Variants in DOCK1 observed in about 807,000 individuals in gnomAD.
DOCK1 encodes dedicator of cytokinesis protein 1.
DOCK1 carries 138 observed loss-of-function variants against 262.7 expected under a neutral mutation model. The observed-to-expected ratio is 0.53, with a 90% CI of 0.46 to 0.61. The LOEUF (loss-of-function observed/expected upper bound fraction) is 0.61. Among genes scored for constraint, DOCK1 ranks in the 20% least tolerant of loss-of-function variants. The pLI, the probability that DOCK1 is intolerant of heterozygous loss-of-function variation, is 0.00. For missense variants in DOCK1, 1,908 were observed against 2,370.7 expected, an observed-to-expected ratio of 0.80 and a Z score of 4.05; for synonymous variants, 866 against 867.4, an observed-to-expected ratio of 1.00 and a Z score of 0.03.
intron 5 of DOCK1, chr10:126,988,558 T>C (rs1035738295): frequency 2.0e-5 from 3 of 152,206 alleles, no homozygotes; most frequent in Non-Finnish European, 4.4e-5. Flanking sequence ...AATTCTGTAG[T>C]CAGGGTTTCA....
intron 33 of DOCK1, among the ~76,000 whole-genome samples, chr10:127,363,097 A>ACATG (rs60896897): frequency 7.0e-6 from 1 of 142,524 alleles, no homozygotes; most frequent in African/African-American, 3.0e-5. Context: ...ATACACACAC[A>ACATG]TGCACATGCT....
chr10:127,209,419 G>A (rs558050973), intron 27 of DOCK1, among the ~76,000 whole-genome samples: 15 of 152,256 alleles, frequency 9.9e-5, no homozygotes, highest in South Asian at 4.1e-4. Context: ...AGAAGTAGCC[G>A]CCTGGAGAGC....
Position 127,052,834 on chromosome 10 carries a change from C to A in DOCK1, c.2336+19C>A. 1.3e-6 allele frequency: 2 copies of A among 1,598,692 alleles called. No homozygotes were observed. The highest frequency in any genetic ancestry group is 1.7e-6 in the Non-Finnish European group (2 of 1,171,942). On this transcript the variant is annotated intron_variant, in intron 22 of 51. Transcript: ENST00000623213. Reference sequence around the variant, plus strand: ...TCAATCAGTGCGTACCTATCCCCTCCATGCCCGGGCTCTCAGAGGACTGGC... The same window carrying A: ...TCAATCAGTGCGTACCTATCCCCTCAATGCCCGGGCTCTCAGAGGACTGGC...
At chr10:127,099,791 AC>A (rs1464236512) in intron 23 of DOCK1, among the ~76,000 whole-genome samples, 2 of 152,190 alleles carry the variant, frequency 1.3e-5, no homozygotes, top group African/African-American at 4.8e-5. Context: ...GAGAGGACAC[AC>A]ATCCAAACCA....
At chr10:127,308,638 A>G (rs144528728) in intron 29 of DOCK1, among the ~76,000 whole-genome samples, 35 of 152,104 alleles carry the variant, frequency 2.3e-4, no homozygotes, top group African/African-American at 7.2e-4. Context: ...CCCTGTGCCC[A>G]TGTGTTCTCA....
At chr10:127,149,659 C>A (rs2052290990) in intron 27 of DOCK1, among the ~76,000 whole-genome samples, 1 of 151,984 alleles carries the variant, frequency 6.6e-6, no homozygotes, top group East Asian at 1.9e-4. Context: ...CAGGCAGGGT[C>A]AAATTCATTT....
intron 2 of DOCK1, among the ~76,000 whole-genome samples, 154 bp downstream of exon 2, chr10:126,970,939 A>G (rs751143642): frequency 3.9e-5 from 6 of 152,102 alleles, no homozygotes; most frequent in Non-Finnish European, 8.8e-5. Flanking sequence ...ATACTGTTTC[A>G]GGTAAGGGTA....
chr10:126,990,527 C>T lies in DOCK1; in HGVS notation c.397C>T (p.Leu133Phe). Residue 133 changes from leucine to phenylalanine, a missense_variant, in exon 6 of 52, where the codon CTT becomes TTT. Leu to Phe is a conservative substitution (Grantham distance 22). This residue lies in a region of DOCK1 where 227 missense variants were observed against 254.1 expected (regional missense o/e 0.89). Transcript: ENST00000623213. ...YDLIEWRSQILSGTLPQDELK... is the reference protein window; with the variant it reads ...YDLIEWRSQIFSGTLPQDELK... ...CCTTATTGAATGGCGATCACAAATT[C>T]TTTCTGGAACTCTGCCTCAGGATGA... 6.2e-7 allele frequency: 1 copy of T among 1,613,688 alleles called. No individual in the cohort carries two copies. The highest frequency in any genetic ancestry group is 8.5e-7 in the Non-Finnish European group (1 of 1,179,828).
chr10:127,447,283 G>T, intron 50 of DOCK1, 111 bp from the exon 51 acceptor site: 2 of 1,464,850 alleles, frequency 1.4e-6, no homozygotes, highest in Non-Finnish European at 9.2e-7. Context: ...TCTGCCAGAT[G>T]AAGTGTTTCT....
chr10:127,288,027 A>G (rs1159651824), intron 29 of DOCK1, among the ~76,000 whole-genome samples: 2 of 152,256 alleles, frequency 1.3e-5, no homozygotes, highest in Non-Finnish European at 2.9e-5. Context: ...AAGGAAAGGA[A>G]GGATAAATGC....
intron 27 of DOCK1, among the ~76,000 whole-genome samples, chr10:127,206,936 A>C (rs2134287980): frequency 6.6e-6 from 1 of 152,234 alleles, no homozygotes; most frequent in Admixed American, 6.5e-5. Context: ...TTTTTACCAT[A>C]TCCAGCTCCC....
At chr10:127,397,221 C>T (rs1486277689) in intron 38 of DOCK1, among the ~76,000 whole-genome samples, 3 of 134,514 alleles carry the variant, frequency 2.2e-5, no homozygotes, top group South Asian at 2.7e-4. Flanking sequence ...ATCAGTTACA[C>T]GGGCAGCGAC....
chr10:127,125,427 C>A (rs374524102), intron 25 of DOCK1, 47 bp from the exon 26 acceptor site: 1 of 1,605,266 alleles, frequency 6.2e-7, no homozygotes, highest in Non-Finnish European at 8.5e-7. Flanking sequence ...ACACGAGTTG[C>A]GTCTTGGTGG....
intron 27 of DOCK1, among the ~76,000 whole-genome samples, chr10:127,227,122 G>A (rs1373130314): frequency 6.6e-6 from 1 of 152,178 alleles, no homozygotes; most frequent in East Asian, 1.9e-4. Context: ...TCTCCACGTG[G>A]CCACCCTTGA....
chr10:126,993,581 CCTT>C (rs1209554307), intron 6 of DOCK1, among the ~76,000 whole-genome samples: 1 of 152,202 alleles, frequency 6.6e-6, no homozygotes, highest in Admixed American at 6.5e-5. Flanking sequence ...ACTAATGAGA[CCTT>C]AAAATGCTTT....
At chr10:127,221,786 T>G (rs1564913937) in intron 27 of DOCK1, among the ~76,000 whole-genome samples, 1 of 152,218 alleles carries the variant, frequency 6.6e-6, no homozygotes, top group South Asian at 2.1e-4. Flanking sequence ...AGCTCTTGTA[T>G]GAAGCTGGCA....
intron 1 of DOCK1, among the ~76,000 whole-genome samples, chr10:126,952,490 A>T (rs945202728): frequency 7.4e-6 from 1 of 135,266 alleles, no homozygotes; most frequent in African/African-American, 2.9e-5. Context: ...ATTGTTGGTG[A>T]TGTATTATTG....
intron 27 of DOCK1, among the ~76,000 whole-genome samples, chr10:127,160,679 G>T (rs1281303355): frequency 2.0e-5 from 3 of 152,216 alleles, no homozygotes; most frequent in African/African-American, 4.8e-5. Context: ...CAATTCAGAG[G>T]CTGTATCCTA....
chr10:126,973,557 G>T (rs1193404145), intron 2 of DOCK1, among the ~76,000 whole-genome samples: 1 of 152,134 alleles, frequency 6.6e-6, no homozygotes, highest in Non-Finnish European at 1.5e-5. Context: ...ATTCTTTCTA[G>T]ATTCTGATGA....
Sources: allele counts gnomAD v4.1 joint callset (sites outside exome capture counted in the v4.1 genomes callset), GRCh38; gene constraint gnomAD v4.1.1; regional missense constraint gnomAD v4.1.1; transcripts MANE v1.5; gene names NCBI Gene and HGNC (gene_info 2026-07-23, HGNC 2026-07-21).